Variants in THSD4 observed in about 807,000 individuals in gnomAD.
THSD4 encodes the protein thrombospondin type-1 domain-containing protein 4.
THSD4 carries 69 observed loss-of-function variants against 119.0 expected under a neutral mutation model. That is an observed-to-expected ratio of 0.58 (90% CI 0.48 to 0.71). THSD4 has a LOEUF of 0.71. Ranked by LOEUF, THSD4 falls within the 30% of genes least tolerant of loss-of-function variation. The probability of loss-of-function intolerance (pLI) is 0.00; values close to 1 mark genes in which losing one functional copy is unlikely to be tolerated. For missense variants in THSD4, 1,393 were observed against 1,391.1 expected (o/e 1.00, Z -0.02); for synonymous variants, 524 against 540.4 (o/e 0.97, Z 0.42).
At chr15:71,192,896 T>C (rs548024619) in intron 3 of THSD4, among the ~76,000 whole-genome samples, 1 of 152,116 alleles carries the variant, frequency 6.6e-6, no homozygotes, top group Non-Finnish European at 1.5e-5. Context: ...TGTAATCTCT[T>C]GTTAGATTAG....
chr15:71,115,273 C>T (rs2040347210), upstream of THSD4: 1 of 152,466 alleles, frequency 6.6e-6, no homozygotes, highest in East Asian at 1.9e-4. This position sits in a 1 kb window ranked among gnomAD's most constrained non-coding sequence, Gnocchi z 4.4. Flanking sequence ...ACCGTACTCC[C>T]TCCTACTGGG....
chr15:71,331,233 C>G (rs1454825806), intron 6 of THSD4, among the ~76,000 whole-genome samples: 1 of 152,178 alleles, frequency 6.6e-6, no homozygotes. Flanking sequence ...TGCCCTTCCT[C>G]GTACTTCTTC....
intron 7 of THSD4, among the ~76,000 whole-genome samples, chr15:71,609,868 GAAAA>G (rs1216282660): frequency 8.7e-6 from 1 of 114,496 alleles, no homozygotes; most frequent in African/African-American, 3.1e-5. Flanking sequence ...AAAAAAAAAA[GAAAA>G]AAAGAAAAAG....
chr15:71,408,930 A>G lies in THSD4; in HGVS notation c.1016-2757A>G, dbSNP rs534421402. On this transcript the variant is annotated intron_variant, in intron 6 of 17. Coordinates refer to ENST00000261862, the MANE Select transcript of THSD4 (RefSeq NM_024817.3). ...GAAGTCATTACATAATTTTATGAGA[A>G]GAACTAGGGTGTTCTCTAAGGCAAC... Among the ~76,000 whole-genome samples, 4 of 152,318 alleles carry G rather than the reference A, an allele frequency of 2.6e-5. No individual in the cohort carries two copies. In the South Asian group the frequency reaches 8.3e-4, roughly 32 times the overall value.
intron 6 of THSD4, among the ~76,000 whole-genome samples, chr15:71,307,122 G>A (rs137992138): frequency 0.018 from 2,727 of 152,260 alleles, 42 homozygotes; most frequent in Middle Eastern, 0.037. Context: ...CGGAGCTCTG[G>A]CCTGTGAAAG....
intron 7 of THSD4, among the ~76,000 whole-genome samples, chr15:71,568,875 T>G (rs1198431081): frequency 6.6e-6 from 1 of 152,230 alleles, no homozygotes; most frequent in African/African-American, 2.4e-5. Context: ...TTTGCTGATC[T>G]TTCTCTCTTT....
intron 7 of THSD4, among the ~76,000 whole-genome samples, chr15:71,526,847 C>A (rs981971751): frequency 6.6e-6 from 1 of 152,092 alleles, no homozygotes; most frequent in Non-Finnish European, 1.5e-5. Flanking sequence ...GGACAGTATG[C>A]TGAACTGAGC....
At chr15:71,751,576 G>T (rs140401849) in intron 14 of THSD4, among the ~76,000 whole-genome samples, 2 of 152,162 alleles carry the variant, frequency 1.3e-5, no homozygotes, top group African/African-American at 4.8e-5. Context: ...TTTAAAACAT[G>T]ATTTTTATTA....
At chr15:71,578,547 G>A (rs1385174207) in intron 7 of THSD4, among the ~76,000 whole-genome samples, 2 of 151,968 alleles carry the variant, frequency 1.3e-5, no homozygotes, top group African/African-American at 4.8e-5. Flanking sequence ...ATGTTGCCCA[G>A]GCTGGTCTCA....
At chr15:71,373,655 G>A (rs2046090989) in intron 6 of THSD4, among the ~76,000 whole-genome samples, 1 of 152,126 alleles carries the variant, frequency 6.6e-6, no homozygotes, top group Non-Finnish European at 1.5e-5. Flanking sequence ...CGAGTTCTTG[G>A]CCCTACTCTG....
intron 1 of THSD4, among the ~76,000 whole-genome samples, chr15:71,117,855 T>TA (rs2141350580): frequency 6.6e-6 from 1 of 152,326 alleles, no homozygotes; most frequent in South Asian, 2.1e-4. Flanking sequence ...CAGGGACTGT[T>TA]ACTATGTGCT....
intron 1 of THSD4, among the ~76,000 whole-genome samples, chr15:71,107,363 A>C (rs1596201504): frequency 6.6e-6 from 1 of 152,192 alleles, no homozygotes; most frequent in Admixed American, 6.5e-5. Context: ...AGAAAGAAGG[A>C]AAGAGAGAAG....
intron 7 of THSD4, among the ~76,000 whole-genome samples, chr15:71,442,579 A>AAAAAAAATATAT (rs1195413080): frequency 1.3e-4 from 5 of 39,864 alleles, no homozygotes; most frequent in African/African-American, 2.9e-4. Flanking sequence ...AAAAAAAAAA[A>AAAAAAAATATAT]ATATATATAT....
chr15:71,199,988 T>A (rs1160348264), intron 3 of THSD4, among the ~76,000 whole-genome samples: 1 of 121,794 alleles, frequency 8.2e-6, no homozygotes, highest in Non-Finnish European at 1.9e-5. Flanking sequence ...AAACTGCCTC[T>A]GGTTGAGAAC....
chr15:71,356,650 TACTA>T (rs149810741), intron 6 of THSD4, among the ~76,000 whole-genome samples: 22,247 of 151,352 alleles, frequency 0.15, 1,645 homozygotes, highest in South Asian at 0.26. Flanking sequence ...TTAGCAGGGG[TACTA>T]ACTGTTTTAT....
At chr15:71,314,317 T>A (rs1227852640) in intron 6 of THSD4, among the ~76,000 whole-genome samples, 6 of 152,122 alleles carry the variant, frequency 3.9e-5, no homozygotes, top group Non-Finnish European at 7.3e-5. Context: ...TTCTTTTTTT[T>A]AATTATTGGC....
chr15:71,250,190 G>A (rs983390423), intron 5 of THSD4, among the ~76,000 whole-genome samples: 2 of 152,146 alleles, frequency 1.3e-5, no homozygotes, highest in African/African-American at 2.4e-5. Context: ...CACACATGGA[G>A]CGCTGCAATG....
At chr15:71,654,612 G>T (rs552089499) in intron 7 of THSD4, among the ~76,000 whole-genome samples, 1 of 152,262 alleles carries the variant, frequency 6.6e-6, no homozygotes, top group East Asian at 1.9e-4. Flanking sequence ...GTAATAACAG[G>T]AAGATATTTA....
At chr15:71,481,353 A>C (rs1595810005) in intron 7 of THSD4, among the ~76,000 whole-genome samples, 1 of 152,212 alleles carries the variant, frequency 6.6e-6, no homozygotes, top group Non-Finnish European at 1.5e-5. Context: ...TCCTTCATAT[A>C]TATTTATGTA....
Sources: gnomAD v4.1 joint callset for allele counts (sites outside exome capture counted in the v4.1 genomes callset) on GRCh38, gnomAD v4.1.1 for gene constraint, Gnocchi (gnomAD v3.1) non-coding constraint, MANE v1.5 for transcripts, NCBI Gene and HGNC (gene_info 2026-07-23, HGNC 2026-07-21) for gene names.